CDH13: variants seen among roughly 807,000 people sequenced by gnomAD.
The protein encoded by CDH13 is cadherin 13, also known as cadherin-13.
In CDH13, 24 loss-of-function variants were observed where a neutral mutation model predicts 63.8. That is an observed-to-expected ratio of 0.38 (90% CI 0.27 to 0.53). CDH13 has a LOEUF of 0.53. CDH13 is among the 20% of genes least tolerant of loss of function. The pLI is 0.85. For missense variants in CDH13, 1,049 were observed against 903.1 expected (o/e 1.16, Z -2.07); for synonymous variants, 503 against 355.3 (o/e 1.42, Z -4.67).
At chr16:83,538,485 T>G (rs2075237527) in intron 7 of CDH13, among the ~76,000 whole-genome samples, 1 of 152,208 alleles carries the variant, frequency 6.6e-6, no homozygotes, top group African/African-American at 2.4e-5. Context: ...TTCACCCAGG[T>G]GGTTGTTTCT....
chr16:83,412,595 A>G (rs1443909001), intron 6 of CDH13, among the ~76,000 whole-genome samples: 1 of 152,164 alleles, frequency 6.6e-6, no homozygotes, highest in Non-Finnish European at 1.5e-5. Context: ...ACCCATCTTT[A>G]TTTGTGGTCC....
intron 1 of CDH13, among the ~76,000 whole-genome samples, chr16:82,732,948 C>G (rs1172010861): frequency 6.6e-6 from 1 of 152,156 alleles, no homozygotes; most frequent in Non-Finnish European, 1.5e-5. Context: ...CTCAGAAAGA[C>G]AAATGGAGTT....
rs79405192 is a variant in CDH13 at position 83,080,176 on chromosome 16, G to T, written c.367-45209G>T. 5.8e-4 allele frequency among the ~76,000 whole-genome samples: 88 copies of T among 152,184 alleles called. 2 individuals are homozygous for T. In the East Asian group the frequency reaches 0.014, roughly 24 times the overall value. ...ATGATAAAGTGTTCTTTCTCTCTCG[G>T]TTCATCCATGGTGGGAAAGAGCCCT... On this transcript the variant is annotated intron_variant, in intron 3 of 13. Transcript: ENST00000567109.
In CDH13 at chr16:83,315,449, T is replaced by A. The variant is rs529833403; in HGVS notation, c.637-29413T>A. Among the ~76,000 whole-genome samples, 4 of 152,330 alleles carry A rather than the reference T, an allele frequency of 2.6e-5. No individual in the cohort carries two copies. In the South Asian group the frequency reaches 8.3e-4, roughly 32 times the overall value. ...AAACCTCACCTCCAACCCCACTGTG[T>A]GTACAGTAATTATTTCCAGTGAAAT... On this transcript the variant is annotated intron_variant, in intron 5 of 13. Coordinates refer to ENST00000567109, the MANE Select transcript of CDH13 (RefSeq NM_001257.5).
intron 6 of CDH13, among the ~76,000 whole-genome samples, chr16:83,445,541 C>T (rs1291435681): frequency 6.6e-6 from 1 of 152,222 alleles, no homozygotes; most frequent in Non-Finnish European, 1.5e-5. Context: ...CCCACAGCTG[C>T]GTTAGTATTC....
At chr16:83,570,834 T>TTACATTTATATATATAAATATAAA (rs1904528380) in intron 7 of CDH13, among the ~76,000 whole-genome samples, 1 of 80,554 alleles carries the variant, frequency 1.2e-5, no homozygotes, top group Non-Finnish European at 3.3e-5. Context: ...AAATAAAAAT[T>TTACATTTATATATATAAATATAAA]TATATTTTTA....
At chr16:82,952,127 G>C (rs7184619) in intron 2 of CDH13, among the ~76,000 whole-genome samples, 1 of 152,162 alleles carries the variant, frequency 6.6e-6, no homozygotes, top group Non-Finnish European at 1.5e-5. Flanking sequence ...CTCAGACAAC[G>C]TGACTCCTTG....
Position 83,059,777 on chromosome 16 carries a change from GTTTTTTTTTTTGTTTGT to G in CDH13, c.366+27571_366+27587del, listed in dbSNP as rs1477320085. 6.7e-4 allele frequency among the ~76,000 whole-genome samples: 71 copies of G among 105,968 alleles called. No individual in the cohort carries two copies. The South Asian group carries it at 0.02, about 30-fold the overall frequency. The allele number at this position is 105,968 out of a possible 152,430, so 69.5% of individuals were successfully genotyped here. On this transcript the variant is annotated intron_variant, in intron 3 of 13. Transcript: ENST00000567109. ...TTTCTTAATCCAGACTTTTGCCTTT[GTTTTTTTTTTTGTTTGT>G]TTTTTTTTTTTTTTTTTTTAGAAGG...
chr16:83,743,768 C>CTT (rs57379661), intron 10 of CDH13, among the ~76,000 whole-genome samples: 2 of 106,074 alleles, frequency 1.9e-5, no homozygotes, highest in Admixed American at 2.5e-4. Flanking sequence ...TTTTTTTTTT[C>CTT]TTTGCTTTTT....
At chr16:82,634,790 C>T (rs79422663) in intron 1 of CDH13, among the ~76,000 whole-genome samples, 8,858 of 152,262 alleles carry the variant, frequency 0.058, 417 homozygotes, top group East Asian at 0.17. Flanking sequence ...AGAAGTTCAG[C>T]CGTTGGGGAC....
chr16:83,765,565 AAGAG>A (rs34269880), intron 11 of CDH13, among the ~76,000 whole-genome samples: 5 of 149,176 alleles, frequency 3.4e-5, no homozygotes, highest in South Asian at 2.1e-4. Context: ...CACACACACA[AAGAG>A]AGAGAGAGAG....
At chr16:83,573,246 C>A (rs1055351468) in intron 7 of CDH13, among the ~76,000 whole-genome samples, 4 of 152,130 alleles carry the variant, frequency 2.6e-5, no homozygotes, top group Admixed American at 2.6e-4. Flanking sequence ...ATGTGGCTTC[C>A]AACAAGTGAA....
chr16:83,793,776 C>T (rs1215972603), intron 13 of CDH13, among the ~76,000 whole-genome samples: 2 of 150,360 alleles, frequency 1.3e-5, no homozygotes, highest in Non-Finnish European at 2.9e-5. Flanking sequence ...TGTGCCAATG[C>T]ACTCCAGCCT....
intron 4 of CDH13, among the ~76,000 whole-genome samples, chr16:83,214,635 GAGAT>G (rs1159138246): frequency 2.9e-5 from 3 of 103,458 alleles, no homozygotes; most frequent in Non-Finnish European, 7.0e-5. Context: ...GAAAAGGATA[GAGAT>G]ACCATTCTTA....
intron 10 of CDH13, among the ~76,000 whole-genome samples, chr16:83,681,602 T>C (rs1487283751): frequency 6.6e-6 from 1 of 151,976 alleles, no homozygotes; most frequent in Non-Finnish European, 1.5e-5. Flanking sequence ...CCCTCCTTTC[T>C]CTTTCTTCCC....
At chr16:83,620,931 T>A (rs138785843) in intron 8 of CDH13, among the ~76,000 whole-genome samples, 9 of 152,284 alleles carry the variant, frequency 5.9e-5, no homozygotes, top group African/African-American at 2.2e-4. Flanking sequence ...GACTTGCTCT[T>A]TTGGGGCCCC....
chr16:82,697,406 C>G (rs978503168), intron 1 of CDH13, among the ~76,000 whole-genome samples: 1 of 146,504 alleles, frequency 6.8e-6, no homozygotes, highest in African/African-American at 2.5e-5. Context: ...TTAAGGGGGC[C>G]AAGGCATTTC....
chr16:82,792,326 A>T (rs1458621215), intron 1 of CDH13, among the ~76,000 whole-genome samples: 3 of 152,156 alleles, frequency 2.0e-5, no homozygotes, highest in African/African-American at 4.8e-5. Context: ...TGGAAAATAC[A>T]AGGTAAAAAA....
intron 5 of CDH13, among the ~76,000 whole-genome samples, chr16:83,298,250 C>T (rs773089592): frequency 6.0e-5 from 9 of 149,906 alleles, no homozygotes; most frequent in African/African-American, 1.7e-4. Context: ...CAACACAAGA[C>T]GAGACAAAAT....
Sources: allele counts gnomAD v4.1 joint callset (sites outside exome capture counted in the v4.1 genomes callset), GRCh38; gene constraint gnomAD v4.1.1; transcripts MANE v1.5; gene names NCBI Gene and HGNC (gene_info 2026-07-23, HGNC 2026-07-21).